The following GFOD2 variants were observed in gnomAD, a reference collection of about 807,000 sequenced individuals.
The protein encoded by GFOD2 is Gfo/Idh/MocA-like oxidoreductase domain containing 2.
GFOD2 carries 9 observed loss-of-function variants against 24.6 expected under a neutral mutation model. The ratio of observed to expected loss-of-function variants is 0.37; its 90% CI spans 0.22 to 0.64. The LOEUF is 0.64. Ranked by LOEUF, GFOD2 falls within the 30% of genes least tolerant of loss-of-function variation. GFOD2 has a pLI of 0.65. For synonymous variants in GFOD2, 211 were observed against 224.8 expected, an observed-to-expected ratio of 0.94 and a Z score of 0.55; for missense variants, 476 against 532.5, an observed-to-expected ratio of 0.89 and a Z score of 1.04.
intron 1 of GFOD2, among the ~76,000 whole-genome samples, chr16:67,696,469 TG>T (rs2053360156): frequency 6.6e-6 from 1 of 151,812 alleles, no homozygotes; most frequent in African/African-American, 2.4e-5. Flanking sequence ...AACAACAGAA[TG>T]GACTAGAATT....
chr16:67,675,006 A>T lies in GFOD2; in HGVS notation c.*149T>A. The T allele has an allele frequency of 1.2e-6, 1 of 837,666 alleles. No individual in the cohort carries two copies. The highest frequency in any genetic ancestry group is 2.4e-5 in the Admixed American group (1 of 41,074). The allele number at this position is 837,666 out of a possible 1,614,324, so 51.9% of individuals were successfully genotyped here. A position where few individuals can be genotyped will look rare whatever the true frequency, so the allele number is the denominator to read the frequency against. On this transcript the variant is annotated 3_prime_UTR_variant, in exon 3 of 3. Coordinates refer to ENST00000268797, the MANE Select transcript of GFOD2 (RefSeq NM_030819.4). ...GTCTGAGGAGCAGATGAGCCACTGG[A>T]GGGGGCGAAGTCCCAGAGCCACCTC...
chr16:67,685,782 C>T lies in GFOD2; in HGVS notation c.-67G>A, dbSNP rs1455123097. 75 of 1,542,838 alleles carry T rather than the reference C, an allele frequency of 4.9e-5. No homozygotes were observed. The highest frequency in any genetic ancestry group is 2.9e-4 in the East Asian group (13 of 44,328). On this transcript the variant is annotated 5_prime_UTR_variant, in exon 2 of 3. Transcript: ENST00000268797. ...TCTGGCATGGATATGATCTTCCAAA[C>T]GTCCTGGTCAGACATGGCTCCTAGA...
chr16:67,703,973 A>G (rs2053421433), intron 1 of GFOD2, among the ~76,000 whole-genome samples: 1 of 152,196 alleles, frequency 6.6e-6, no homozygotes, highest in African/African-American at 2.4e-5. Context: ...GATTTCACTC[A>G]GCGTAATGTC....
At chr16:67,690,046 T>C (rs2053299238) in intron 1 of GFOD2, among the ~76,000 whole-genome samples, 1 of 152,220 alleles carries the variant, frequency 6.6e-6, no homozygotes, top group Non-Finnish European at 1.5e-5. Context: ...TTGAGTAATA[T>C]GCCATTGTAT....
chr16:67,709,970 G>A (rs1321261301), intron 1 of GFOD2, among the ~76,000 whole-genome samples: 1 of 151,604 alleles, frequency 6.6e-6, no homozygotes, highest in Non-Finnish European at 1.5e-5. Flanking sequence ...TTTGGGGACA[G>A]AGTGTCACTC....
rs773407779 is a variant in GFOD2 at position 67,685,721 on chromosome 16, C to A, written c.-6G>T. 1 of 1,607,566 alleles carries A rather than the reference C, an allele frequency of 6.2e-7. No homozygotes were observed. Among genetic ancestry groups the A allele is most frequent in the South Asian group, 1.1e-5 (1 of 90,908 alleles). ...ACTCCTGGCAGCATCTTCATCCCAG[C>A]CTCTCTCTTTACCAACTCATCTCCT... On this transcript the variant is annotated 5_prime_UTR_variant, in exon 2 of 3. Transcript: ENST00000268797.
intron 1 of GFOD2, among the ~76,000 whole-genome samples, chr16:67,710,189 G>C (rs575789464): frequency 2.0e-5 from 3 of 152,084 alleles, no homozygotes; most frequent in Admixed American, 6.5e-5. Context: ...GCAGTGGGGC[G>C]ATCATAGCTT....
intron 1 of GFOD2, among the ~76,000 whole-genome samples, chr16:67,704,719 G>T (rs982700201): frequency 6.6e-6 from 1 of 152,202 alleles, no homozygotes; most frequent in Admixed American, 6.5e-5. Context: ...ATGTGTATAG[G>T]CACCTGACGC....
chr16:67,687,335 A>T (rs1159379625), intron 1 of GFOD2, among the ~76,000 whole-genome samples: 2 of 152,050 alleles, frequency 1.3e-5, no homozygotes, highest in East Asian at 3.9e-4. Context: ...TAAAAGAAAA[A>T]GTATGCTTAA....
intron 1 of GFOD2, among the ~76,000 whole-genome samples, chr16:67,692,655 A>C (rs187974036): frequency 2.2e-4 from 33 of 152,046 alleles, no homozygotes; most frequent in Non-Finnish European, 2.9e-5. Flanking sequence ...TATACAAATG[A>C]AAGGATACAT....
At chr16:67,709,770 A>AGG (rs2053460828) in intron 1 of GFOD2, among the ~76,000 whole-genome samples, 1 of 151,832 alleles carries the variant, frequency 6.6e-6, no homozygotes, top group Non-Finnish European at 1.5e-5. Flanking sequence ...ACATGCCACC[A>AGG]CACCCAGCTA....
chr16:67,711,051 A>G (rs907362824), intron 1 of GFOD2, among the ~76,000 whole-genome samples: 1 of 152,226 alleles, frequency 6.6e-6, no homozygotes, highest in Non-Finnish European at 1.5e-5. Flanking sequence ...AGCAGTAACC[A>G]GACCCAAAAG....
At chr16:67,691,748 C>T (rs1597796378) in intron 1 of GFOD2, among the ~76,000 whole-genome samples, 1 of 152,234 alleles carries the variant, frequency 6.6e-6, no homozygotes, top group Middle Eastern at 3.4e-3. Context: ...ACACAGCAGG[C>T]CCTCCACTGA....
intron 1 of GFOD2, among the ~76,000 whole-genome samples, chr16:67,705,261 G>C (rs2053430986): frequency 6.6e-6 from 1 of 152,140 alleles, no homozygotes; most frequent in Non-Finnish European, 1.5e-5. Flanking sequence ...AGGCTGGAGT[G>C]CAGTGGCATG....
intron 1 of GFOD2, among the ~76,000 whole-genome samples, chr16:67,708,521 T>C (rs1331858599): frequency 6.6e-6 from 1 of 152,200 alleles, no homozygotes; most frequent in East Asian, 1.9e-4. Context: ...GAACAACTCA[T>C]ACTGAGGAAG....
At chr16:67,684,916 C>A (rs2053254424) in intron 2 of GFOD2, 1 of 996,556 alleles carries the variant, frequency 1.0e-6, no homozygotes, top group South Asian at 4.4e-5. Context: ...GTCATGTAAG[C>A]AGGCTGTCGA....
intron 2 of GFOD2, among the ~76,000 whole-genome samples, chr16:67,679,364 G>C (rs1248503686): frequency 6.6e-6 from 1 of 151,324 alleles, no homozygotes; most frequent in African/African-American, 2.4e-5. Flanking sequence ...TCCTGAGCTA[G>C]CTGGGATTAC....
chr16:67,676,166 T>C lies in GFOD2; in HGVS notation c.260-113A>G, dbSNP rs188489539. The C allele has an allele frequency of 2.6e-5, 28 of 1,085,694 alleles. No homozygotes were observed. The Admixed American group carries it at 5.6e-4, about 22-fold the overall frequency. 67.3% of individuals were successfully genotyped at this position (1,085,694 alleles called of 1,614,324 possible). ...GCCTTACAACTGCACGAACTAATTT[T>C]TTTTTCTTTTTTGTAGAGGTGGGGT... On this transcript the variant is annotated intron_variant, in intron 2 of 2. Coordinates refer to ENST00000268797, the MANE Select transcript of GFOD2 (RefSeq NM_030819.4).
chr16:67,709,311 A>C (rs915963307), intron 1 of GFOD2, among the ~76,000 whole-genome samples: 2 of 152,030 alleles, frequency 1.3e-5, no homozygotes, highest in African/African-American at 4.8e-5. Flanking sequence ...CAAAAGAAAA[A>C]AAAAAAAAAG....
Sources: gnomAD v4.1 joint callset for allele counts (sites outside exome capture counted in the v4.1 genomes callset) on GRCh38, gnomAD v4.1.1 for gene constraint, MANE v1.5 for transcripts, NCBI Gene and HGNC (gene_info 2026-07-23, HGNC 2026-07-21) for gene names.